Variants in ERBB4 observed in about 807,000 individuals in gnomAD.
ERBB4 encodes the protein erb-b2 receptor tyrosine kinase 4, also known as receptor tyrosine-protein kinase erbB-4.
A neutral mutation model predicts 158.0 loss-of-function variants in ERBB4; 42 were observed. That is an observed-to-expected ratio of 0.27 (90% CI 0.21 to 0.34). The LOEUF is 0.34. ERBB4 is among the 10% of genes least tolerant of loss of function. The pLI is 1.00. For synonymous variants in ERBB4, 583 were observed against 558.7 expected, an observed-to-expected ratio of 1.04 and a Z score of -0.61; for missense variants, 1,333 against 1,624.1, an observed-to-expected ratio of 0.82 and a Z score of 3.08.
At chr2:212,335,152 A>G (rs1052861824) in intron 1 of ERBB4, among the ~76,000 whole-genome samples, 3 of 151,918 alleles carry the variant, frequency 2.0e-5, no homozygotes, top group African/African-American at 4.8e-5. Flanking sequence ...TAATGTTTCA[A>G]TTAGTACTGG....
intron 2 of ERBB4, among the ~76,000 whole-genome samples, chr2:212,010,786 T>C (rs1315251288): frequency 6.6e-6 from 1 of 152,102 alleles, no homozygotes; most frequent in East Asian, 1.9e-4. Flanking sequence ...AGTCCTTATC[T>C]CAACCACATA....
At chr2:211,598,651 C>T (rs146291441) in intron 19 of ERBB4, among the ~76,000 whole-genome samples, 12 of 152,240 alleles carry the variant, frequency 7.9e-5, no homozygotes, top group African/African-American at 2.9e-4. Flanking sequence ...TTATTTTCAC[C>T]TGATACATTC....
intron 3 of ERBB4, among the ~76,000 whole-genome samples, chr2:211,840,243 T>C (rs12612277): frequency 0.22 from 33,037 of 151,900 alleles, 3,725 homozygotes; most frequent in South Asian, 0.33. Context: ...GGGAGTTCCC[T>C]TGCACACTCG....
At chr2:212,206,531 T>G (rs1224547039) in intron 1 of ERBB4, among the ~76,000 whole-genome samples, 1 of 151,662 alleles carries the variant, frequency 6.6e-6, no homozygotes, top group Admixed American at 6.6e-5. Context: ...AGGGATAGCT[T>G]AGGTCTAATG....
At chr2:212,165,378 A>T (rs143412446) in intron 1 of ERBB4, among the ~76,000 whole-genome samples, 8 of 151,844 alleles carry the variant, frequency 5.3e-5, no homozygotes, top group African/African-American at 1.4e-4. Flanking sequence ...CAAATGTCTC[A>T]CTCACTTCAC....
At chr2:212,338,498 A>G (rs2088554582) in intron 1 of ERBB4, among the ~76,000 whole-genome samples, 1 of 152,110 alleles carries the variant, frequency 6.6e-6, no homozygotes, top group Non-Finnish European at 1.5e-5. Flanking sequence ...TTCAAAGTAT[A>G]AAAACACTTC....
intron 1 of ERBB4, among the ~76,000 whole-genome samples, chr2:212,345,228 T>C (rs899082746): frequency 1.8e-5 from 2 of 113,988 alleles, no homozygotes; most frequent in African/African-American, 6.6e-5. Context: ...ATTGTGCCAC[T>C]GCCCTCCAGC....
At chr2:211,422,904 C>T (rs1164816094) in intron 23 of ERBB4, among the ~76,000 whole-genome samples, 3 of 151,730 alleles carry the variant, frequency 2.0e-5, no homozygotes, top group Non-Finnish European at 4.4e-5. Context: ...AAACTTTCTT[C>T]CATAGATGTC....
chr2:211,772,620 A>T (rs35870876), intron 4 of ERBB4, among the ~76,000 whole-genome samples: 22,024 of 150,572 alleles, frequency 0.15, 1,831 homozygotes, highest in South Asian at 0.33. Context: ...ATTCTTATTA[A>T]TAACAAAATT....
intron 1 of ERBB4, among the ~76,000 whole-genome samples, chr2:212,478,235 T>G (rs1398260421): frequency 6.6e-6 from 1 of 152,088 alleles, no homozygotes; most frequent in East Asian, 1.9e-4. Flanking sequence ...TTTGAAAGTA[T>G]GAGATTAATT....
intron 2 of ERBB4, among the ~76,000 whole-genome samples, chr2:212,007,451 T>G (rs2076285361): frequency 6.6e-6 from 1 of 151,870 alleles, no homozygotes; most frequent in South Asian, 2.1e-4. Context: ...CATTTACATC[T>G]GAATATAATT....
At chr2:212,213,369 TCA>T (rs988031934) in intron 1 of ERBB4, among the ~76,000 whole-genome samples, 1 of 151,636 alleles carries the variant, frequency 6.6e-6, no homozygotes, top group Non-Finnish European at 1.5e-5. Context: ...ATGAGAAGTT[TCA>T]GTTTCTATAT....
intron 3 of ERBB4, among the ~76,000 whole-genome samples, chr2:211,808,634 C>T (rs1004099584): frequency 2.6e-5 from 4 of 152,064 alleles, no homozygotes; most frequent in Non-Finnish European, 5.9e-5. Flanking sequence ...TCCTTATGAA[C>T]TTTAAAGTAG....
At chr2:211,482,038 G>C (rs917818833) in intron 20 of ERBB4, among the ~76,000 whole-genome samples, 1 of 152,126 alleles carries the variant, frequency 6.6e-6, no homozygotes, top group Admixed American at 6.6e-5. Context: ...AGTAGAGACA[G>C]GCAGTCTCCT....
In ERBB4 at chr2:212,394,286, T is replaced by G. The variant is rs1318422067; in HGVS notation, c.82+144163A>C. Among the ~76,000 whole-genome samples the G allele has an allele frequency of 2.0e-5, 3 of 152,054 alleles. No individual in the cohort carries two copies. The East Asian group carries it at 5.8e-4, about 29-fold the overall frequency. On this transcript the variant is annotated intron_variant, in intron 1 of 27. Coordinates refer to ENST00000342788, the MANE Select transcript of ERBB4 (RefSeq NM_005235.3). ...GATAATTTAAAATAATAAAAGAAAT[T>G]CATTTAATATTTTAAATGTGGCATC... is the stretch of plus-strand genomic sequence containing the variant.
intron 2 of ERBB4, among the ~76,000 whole-genome samples, chr2:212,122,345 T>C (rs2079782585): frequency 6.7e-6 from 1 of 149,270 alleles, no homozygotes; most frequent in African/African-American, 2.5e-5. Flanking sequence ...CATGAATGGG[T>C]ACATGTCATA....
intron 3 of ERBB4, among the ~76,000 whole-genome samples, chr2:211,925,759 T>C (rs192216700): frequency 2.0e-5 from 3 of 152,328 alleles, no homozygotes; most frequent in African/African-American, 7.2e-5. Flanking sequence ...CATTTTGTTT[T>C]AACAATATGT....
At chr2:211,690,341 T>C (rs2072757259) in intron 12 of ERBB4, among the ~76,000 whole-genome samples, 1 of 152,114 alleles carries the variant, frequency 6.6e-6, no homozygotes, top group Non-Finnish European at 1.5e-5. Context: ...GTGACAGCAC[T>C]TTACAGTAAG....
intron 2 of ERBB4, among the ~76,000 whole-genome samples, chr2:211,964,410 C>T (rs942790709): frequency 5.9e-5 from 9 of 152,064 alleles, no homozygotes; most frequent in East Asian, 1.9e-4. Flanking sequence ...GATGTTTTTT[C>T]GGAATTACGT....
Sources: gnomAD v4.1 joint callset for allele counts (sites outside exome capture counted in the v4.1 genomes callset) on GRCh38, gnomAD v4.1.1 for gene constraint, MANE v1.5 for transcripts, NCBI Gene and HGNC (gene_info 2026-07-23, HGNC 2026-07-21) for gene names.